The following USP26 variants were observed in gnomAD, a reference collection of about 807,000 sequenced individuals.
The protein encoded by USP26 is ubiquitin specific peptidase 26, also known as ubiquitin carboxyl-terminal hydrolase 26.
For missense variants in USP26, 649 were observed against 642.3 expected, an observed-to-expected ratio of 1.01 and a Z score of -0.11; for synonymous variants, 236 against 240.6, an observed-to-expected ratio of 0.98 and a Z score of 0.18.
chrX:133,071,691 A>G (rs1244883563), intron 5 of USP26, among the ~76,000 whole-genome samples: 1 of 111,956 alleles, frequency 8.9e-6, no homozygotes, highest in Non-Finnish European at 1.9e-5. Flanking sequence ...AATGTGACAC[A>G]GTTTTTTGCC....
At chrX:133,060,611 A>G (rs189207904) in intron 5 of USP26, among the ~76,000 whole-genome samples, 1 of 112,003 alleles carries the variant, frequency 8.9e-6, no homozygotes, top group Admixed American at 9.5e-5. Context: ...ATAATTAAAG[A>G]AAACATAAGA....
At chrX:133,084,779 G>A (rs1248592523) in intron 4 of USP26, among the ~76,000 whole-genome samples, 2 of 111,188 alleles carry the variant, frequency 1.8e-5, no homozygotes, top group East Asian at 5.6e-4. Context: ...GGGAACGGGT[G>A]GTGTTTGGTT....
At chrX:133,091,267 C>T (rs1179996236) in intron 2 of USP26, 86 bp downstream of exon 2, 1 of 111,942 alleles carries the variant, frequency 8.9e-6, no homozygotes, top group African/African-American at 3.3e-5. Flanking sequence ...TTCCCTGACA[C>T]CTACTTGGTC....
chrX:133,089,645 G>C (rs1381390693), intron 4 of USP26, among the ~76,000 whole-genome samples: 1 of 112,219 alleles, frequency 8.9e-6, no homozygotes, highest in Non-Finnish European at 1.9e-5. Flanking sequence ...ACCAAGCACT[G>C]TATGTCCTCC....
Position 133,028,282 on chromosome X carries a change from G to A in USP26, c.-62C>T. 3 of 1,155,962 alleles carry A rather than the reference G, an allele frequency of 2.6e-6. No individual in the cohort carries two copies. Among genetic ancestry groups the A allele is most frequent in the Non-Finnish European group, 3.5e-6 (3 of 847,683 alleles). On this transcript the variant is annotated 5_prime_UTR_variant, in exon 6 of 6. Transcript: ENST00000511190. ...ATTGATAATCTTGAAGTTCCAATCT[G>A]TTTTGCAAGTTCAGCTGTGAAGACA...
chrX:133,074,242 C>T (rs1365953484), intron 5 of USP26, among the ~76,000 whole-genome samples: 1 of 112,279 alleles, frequency 8.9e-6, no homozygotes, highest in South Asian at 3.7e-4. Flanking sequence ...AGCCCTTGAA[C>T]GTGGCCTAGC....
At chrX:133,060,357 C>T (rs1427717070) in intron 5 of USP26, among the ~76,000 whole-genome samples, 1 of 111,544 alleles carries the variant, frequency 9.0e-6, no homozygotes, top group East Asian at 2.8e-4. Flanking sequence ...CATTATTCAC[C>T]ACAGTATAAA....
At chrX:133,074,392 A>C (rs1268399986) in intron 5 of USP26, among the ~76,000 whole-genome samples, 1 of 112,037 alleles carries the variant, frequency 8.9e-6, no homozygotes, top group East Asian at 2.8e-4. Flanking sequence ...TCACTTCCAG[A>C]GTGCACTGGA....
chrX:133,071,859 C>A (rs1464968977), intron 5 of USP26, among the ~76,000 whole-genome samples: 1 of 111,202 alleles, frequency 9.0e-6, no homozygotes, highest in Non-Finnish European at 1.9e-5. Context: ...TTATAAGGGA[C>A]TTTAGGGATC....
intron 5 of USP26, among the ~76,000 whole-genome samples, chrX:133,032,169 CCCAA>C (rs761445674): frequency 0.02 from 2,250 of 109,787 alleles, 23 homozygotes; most frequent in South Asian, 0.045. Context: ...AAGAAAAAAA[CCCAA>C]CCAACCAACC....
rs1432673555 is a variant in USP26 at position 133,027,476 on chromosome X, G to A, written c.745C>T (p.Leu249=). ...CIMNATGNPY[L]DDIGLLQALT... is the part of the protein sequence containing the mutation. ...GCTTGGAGAAGACCAATGTCATCTA[G>A]GTAAGGATTTCCAGTGGCGTTCATG... is the stretch of plus-strand genomic sequence containing the variant. The change falls in exon 6 of 6, where the codon CTA becomes TTA. Residue 249 remains leucine (L), a synonymous_variant. Coordinates refer to ENST00000511190, the MANE Select transcript of USP26 (RefSeq NM_031907.3). 8.3e-7 allele frequency: 1 copy of A among 1,210,680 alleles called. No homozygotes were observed. The highest frequency in any genetic ancestry group is 2.2e-5 in the Admixed American group (1 of 45,993).
At chrX:133,075,340 G>A (rs1024525764) in intron 5 of USP26, among the ~76,000 whole-genome samples, 137 of 112,209 alleles carry the variant, frequency 1.2e-3, no homozygotes, top group African/African-American at 4.4e-3. Context: ...TCTTTGCCAC[G>A]TGTTTTCACA....
rs182207319 is a variant in USP26, at chrX:133,089,544, T to C, written c.-142+569A>G. Among the ~76,000 whole-genome samples, 7 of 111,048 alleles carry C rather than the reference T, an allele frequency of 6.3e-5. No individual in the cohort carries two copies. The East Asian group carries it at 2.0e-3, about 32-fold the overall frequency. On this transcript the variant is annotated intron_variant, in intron 4 of 5. Transcript: ENST00000511190. ...CCTTAGCCAGATTACAGGGTTGTGGTTTCCCAAGAGAAGACAGTATAATCT... is the reference window on the plus strand; with the variant it reads ...CCTTAGCCAGATTACAGGGTTGTGGCTTCCCAAGAGAAGACAGTATAATCT...
chrX:133,076,544 T>A (rs1159354739), intron 5 of USP26, among the ~76,000 whole-genome samples: 1 of 111,824 alleles, frequency 8.9e-6, no homozygotes, highest in East Asian at 2.8e-4. Context: ...TACTGACTAG[T>A]TTCTATCAAA....
chrX:133,073,737 GA>G (rs2067537940), intron 5 of USP26, among the ~76,000 whole-genome samples: 1 of 111,389 alleles, frequency 9.0e-6, no homozygotes, highest in Non-Finnish European at 1.9e-5. Context: ...ATTCCAGAAG[GA>G]TGGCAAAGCC....
In USP26 at chrX:133,026,384, C is replaced by T. The variant is rs201814640; in HGVS notation, c.1837G>A (p.Gly613Ser). Residue 613 changes from glycine (G) to serine (S), a missense_variant, in exon 6 of 6, where the codon GGC becomes AGC. Coordinates refer to ENST00000511190, the MANE Select transcript of USP26 (RefSeq NM_031907.3). ...GSDKESEQKK[G>S]QTVFKGASRR... Reference sequence around the variant, plus strand: ...CTTGCCCCTTTAAAGACTGTCTGGCCTTTTTTTTGTTCAGACTCCTTATCT... The same window carrying T: ...CTTGCCCCTTTAAAGACTGTCTGGCTTTTTTTTTGTTCAGACTCCTTATCT... The T allele has an allele frequency of 3.3e-6, 4 of 1,201,299 alleles. No homozygotes were observed. Among genetic ancestry groups the T allele is most frequent in the East Asian group, 6.0e-5 (2 of 33,432 alleles).
In USP26 at chrX:133,073,572, G is replaced by A. The variant is rs2067537264; in HGVS notation, c.-77+10135C>T. Among the ~76,000 whole-genome samples the A allele has an allele frequency of 1.8e-5, 2 of 110,616 alleles. 1 individual carries two copies. Among genetic ancestry groups the A allele is most frequent in the South Asian group, 7.8e-4 (2 of 2,577 alleles). On this transcript the variant is annotated intron_variant, in intron 5 of 5. Transcript: ENST00000511190. ...TATGAATTTCACTCTTACAAAGCAC[G>A]TTTATTATATGCTTAGAAGCTGCTG...
intron 5 of USP26, among the ~76,000 whole-genome samples, chrX:133,039,249 T>C (rs1014022859): frequency 2.7e-5 from 3 of 111,493 alleles, no homozygotes; most frequent in African/African-American, 6.5e-5. Context: ...CTTTTAATTG[T>C]GATGTTAGGG....
At chrX:133,073,667 C>T (rs1252311596) in intron 5 of USP26, among the ~76,000 whole-genome samples, 1 of 111,426 alleles carries the variant, frequency 9.0e-6, no homozygotes, top group Non-Finnish European at 1.9e-5. Flanking sequence ...CCTAATACCT[C>T]AACCCTAACC....
Sources: allele counts gnomAD v4.1 joint callset (sites outside exome capture counted in the v4.1 genomes callset), GRCh38; gene constraint gnomAD v4.1.1; transcripts MANE v1.5; gene names NCBI Gene and HGNC (gene_info 2026-07-23, HGNC 2026-07-21).